Variants in PCCA observed in about 807,000 individuals in gnomAD.
The protein encoded by PCCA is propionyl-CoA carboxylase alpha chain, mitochondrial.
A neutral mutation model predicts 101.3 loss-of-function variants in PCCA; 74 were observed. The ratio of observed to expected loss-of-function variants is 0.73; its 90% CI spans 0.61 to 0.89. The LOEUF is 0.89. Ranked by LOEUF, PCCA falls within the 40% of genes least tolerant of loss-of-function variation. The pLI, the probability that PCCA is intolerant of heterozygous loss-of-function variation, is 0.00. For synonymous variants in PCCA, 294 were observed against 313.6 expected (o/e 0.94, Z 0.66); for missense variants, 891 against 907.0 (o/e 0.98, Z 0.23).
intron 18 of PCCA, among the ~76,000 whole-genome samples, chr13:100,348,806 T>C (rs1301546357): frequency 2.8e-4 from 24 of 84,412 alleles, no homozygotes; most frequent in Non-Finnish European, 4.7e-4. Context: ...CTTCCTTCCT[T>C]CCTTCCTTCC....
At chr13:100,187,650 A>G (rs750070620) in intron 6 of PCCA, among the ~76,000 whole-genome samples, 4 of 152,140 alleles carry the variant, frequency 2.6e-5, no homozygotes, top group Non-Finnish European at 4.4e-5. Flanking sequence ...ATTGTTTCTC[A>G]GTACTGTAAG....
chr13:100,155,803 C>T (rs1459020921), intron 5 of PCCA, among the ~76,000 whole-genome samples: 3 of 152,120 alleles, frequency 2.0e-5, no homozygotes, highest in South Asian at 2.1e-4. Context: ...CTTCAATTAG[C>T]GCTCACATTT....
In PCCA at chr13:100,273,240, C is replaced by CTG; in HGVS notation, c.961_962dup (p.Ala322Ter). 6.2e-7 allele frequency: 1 copy of CTG among 1,611,262 alleles called. No homozygotes were observed. Reference sequence around the variant, plus strand: ...ACTCGAAGAGCGATGGGAGAACAAGCTGTAGCTCTTGCCAGAGCAGTAAAA... The same window carrying CTG: ...ACTCGAAGAGCGATGGGAGAACAAGCTGTGTAGCTCTTGCCAGAGCAGTAAAA... On this transcript the variant is annotated frameshift_variant, in exon 12 of 24. Coordinates refer to ENST00000376285, the MANE Select transcript of PCCA (RefSeq NM_000282.4). LOFTEE classifies it high-confidence loss of function.
At chr13:100,323,381 G>A (rs2068281247) in intron 16 of PCCA, among the ~76,000 whole-genome samples, 1 of 151,778 alleles carries the variant, frequency 6.6e-6, no homozygotes, top group Admixed American at 6.6e-5. Context: ...GAGTACAATG[G>A]TGCGGTCTCG....
intron 6 of PCCA, among the ~76,000 whole-genome samples, chr13:100,170,332 T>C (rs2055510766): frequency 6.6e-6 from 1 of 152,210 alleles, no homozygotes. Context: ...ATGCTAGTTA[T>C]CTCTGTTACA....
chr13:100,181,665 C>T (rs1236335156), intron 6 of PCCA, among the ~76,000 whole-genome samples: 2 of 148,054 alleles, frequency 1.4e-5, no homozygotes, highest in East Asian at 2.0e-4. Flanking sequence ...TCAAGTGATC[C>T]GCTTGTCTTG....
intron 11 of PCCA, among the ~76,000 whole-genome samples, chr13:100,269,194 A>C (rs188840146): frequency 6.6e-6 from 1 of 152,252 alleles, no homozygotes; most frequent in Admixed American, 6.5e-5. Flanking sequence ...AATTGCACTA[A>C]TGTTCATGTA....
intron 22 of PCCA, among the ~76,000 whole-genome samples, chr13:100,526,614 G>A (rs2087847284): frequency 6.6e-6 from 1 of 152,242 alleles, no homozygotes; most frequent in African/African-American, 2.4e-5. Context: ...GGTGTGAGGG[G>A]CCAGGAGCCC....
chr13:100,120,859 A>G (rs1024349140), intron 4 of PCCA, among the ~76,000 whole-genome samples: 2 of 152,108 alleles, frequency 1.3e-5, no homozygotes, highest in African/African-American at 4.8e-5. Context: ...TGGGATTTTG[A>G]TTGATATTGC....
intron 6 of PCCA, among the ~76,000 whole-genome samples, chr13:100,197,470 A>G (rs1484119507): frequency 6.7e-6 from 1 of 149,920 alleles, no homozygotes; most frequent in Admixed American, 6.6e-5. Flanking sequence ...TTTGAGACAG[A>G]GTGTCGCTTT....
At position 100,530,248 on chromosome 13, in the gene PCCA, T is replaced by C. The variant is rs2088307005; in HGVS notation, c.*82T>C. 1 of 1,095,716 alleles carries C rather than the reference T, an allele frequency of 9.1e-7. No homozygotes were observed. The highest frequency in any genetic ancestry group is 1.8e-5 in the Admixed American group (1 of 56,320). The allele number at this position is 1,095,716 out of a possible 1,614,324, so 67.9% of individuals were successfully genotyped here. On this transcript the variant is annotated 3_prime_UTR_variant, in exon 24 of 24. Transcript: ENST00000376285. ...TCACACACAATTGATTCAAGCATTA[T>C]ACAGGAACACCCCTGTGCAGCTACG...
At chr13:100,455,298 T>C (rs1446143281) in intron 21 of PCCA, among the ~76,000 whole-genome samples, 1 of 152,224 alleles carries the variant, frequency 6.6e-6, no homozygotes, top group African/African-American at 2.4e-5. Flanking sequence ...GGAAGGTCTC[T>C]GTGTTACTCC....
At chr13:100,526,682 C>T (rs1235701926) in intron 22 of PCCA, among the ~76,000 whole-genome samples, 3 of 152,236 alleles carry the variant, frequency 2.0e-5, no homozygotes, top group Admixed American at 6.5e-5. Context: ...TGGACTTGCC[C>T]GTTTCAAAGA....
rs367615795 is a variant in PCCA, at chr13:100,273,195, G to C, written c.915-1G>C. ...AGACAAACATTTTTTTGTATATGTA[G>C]CATTTTTTTGGATGCGGAGACTCGA... On this transcript the variant is annotated splice_acceptor_variant, in intron 11 of 23. Transcript: ENST00000376285. LOFTEE classifies it high-confidence loss of function. 4 of 1,611,710 alleles carry C rather than the reference G, an allele frequency of 2.5e-6. No homozygotes were observed. The highest frequency in any genetic ancestry group is 1.7e-5 in the Admixed American group (1 of 59,980).
chr13:100,530,114 G>C lies in PCCA; in HGVS notation c.2135G>C (p.Cys712Ser). 6.2e-7 allele frequency: 1 copy of C among 1,614,032 alleles called. No homozygotes were observed. The highest frequency in any genetic ancestry group is 8.5e-7 in the Non-Finnish European group (1 of 1,179,920). ...GKTGTVKSVH[C>S]QAGDTVGEGD... ...AAATTCAAGGTGAAATCTGTGCACT[G>C]TCAAGCTGGAGACACAGTTGGAGAA... The change falls in exon 24 of 24, where the codon TGT becomes TCT. Residue 712 changes from cysteine to serine, a missense_variant. Transcript: ENST00000376285.
In PCCA at chr13:100,476,608, A is replaced by G. The variant is rs545796011; in HGVS notation, c.1899+27303A>G. 3.3e-5 allele frequency among the ~76,000 whole-genome samples: 5 copies of G among 152,328 alleles called. No individual in the cohort carries two copies. In the East Asian group the frequency reaches 9.6e-4, roughly 29 times the overall value. ...ATCCATTTACTCATTCATTTATCCA[A>G]GTATTTGATAGGTACATATTTTGTG... On this transcript the variant is annotated intron_variant, in intron 21 of 23. Coordinates refer to ENST00000376285, the MANE Select transcript of PCCA (RefSeq NM_000282.4).
chr13:100,458,442 C>CACACAT (rs1402450988), intron 21 of PCCA, among the ~76,000 whole-genome samples: 1 of 4,630 alleles, frequency 2.2e-4, no homozygotes, highest in Non-Finnish European at 4.3e-4. Context: ...CACACACATA[C>CACACAT]ACACACACAC....
At position 100,510,610 on chromosome 13, in the gene PCCA, G is replaced by T. The variant is rs1372508005; in HGVS notation, c.1900-4817G>T. Among the ~76,000 whole-genome samples the T allele has an allele frequency of 2.0e-5, 3 of 152,298 alleles. No homozygotes were observed. The South Asian group carries it at 6.2e-4, about 32-fold the overall frequency. Reference sequence around the variant, plus strand: ...GTGAAGCAAGATCACACTTTACAGGGCAATACTACAAAATGGAAATCTCAA... The same window carrying T: ...GTGAAGCAAGATCACACTTTACAGGTCAATACTACAAAATGGAAATCTCAA... On this transcript the variant is annotated intron_variant, in intron 21 of 23. Coordinates refer to ENST00000376285, the MANE Select transcript of PCCA (RefSeq NM_000282.4).
intron 22 of PCCA, among the ~76,000 whole-genome samples, chr13:100,516,492 G>C (rs963341434): frequency 6.6e-6 from 1 of 152,222 alleles, no homozygotes; most frequent in Non-Finnish European, 1.5e-5. Context: ...AACATGATCA[G>C]TTTTAGTTGT....
Sources: gnomAD v4.1 joint callset for allele counts (sites outside exome capture counted in the v4.1 genomes callset) on GRCh38, gnomAD v4.1.1 for gene constraint, MANE v1.5 for transcripts, NCBI Gene and HGNC (gene_info 2026-07-23, HGNC 2026-07-21) for gene names.